Variants in SAA1 observed in about 807,000 individuals in gnomAD.
SAA1 encodes the protein serum amyloid A-1 protein.
Under a neutral mutation model 9.8 loss-of-function variants are expected in SAA1, and 4 were observed. The observed-to-expected ratio is 0.41, with a 90% CI of 0.20 to 0.93. SAA1 has a LOEUF of 0.93. SAA1 is among the 40% of genes least tolerant of loss of function. SAA1 has a pLI of 0.33. For synonymous variants in SAA1, 47 were observed against 57.7 expected, an observed-to-expected ratio of 0.82 and a Z score of 0.84; for missense variants, 114 against 155.5, an observed-to-expected ratio of 0.73 and a Z score of 1.42.
intron 3 of SAA1, 61 bp from the exon 4 acceptor site, chr11:18,269,655 GA>G: frequency 6.3e-7 from 1 of 1,593,092 alleles, no homozygotes; most frequent in Non-Finnish European, 8.6e-7. Context: ...GGGAGAATGG[GA>G]GGGTGGGCTA....
Position 18,269,945 on chromosome 11 carries a change from T to C in SAA1, c.*90T>C. On this transcript the variant is annotated 3_prime_UTR_variant, in exon 4 of 4. Transcript: ENST00000356524. Reference sequence around the variant, plus strand: ...GGGGAGAGGGTACACAATGGGTATCTAATAAATACTTAAGAGGTGGAATTT... The same window carrying C: ...GGGGAGAGGGTACACAATGGGTATCCAATAAATACTTAAGAGGTGGAATTT... 6.4e-7 allele frequency: 1 copy of C among 1,566,126 alleles called. No individual in the cohort carries two copies. The highest frequency in any genetic ancestry group is 1.4e-5 in the African/African-American group (1 of 73,756).
rs939501263 is a variant in SAA1, at chr11:18,269,922, G to A, written c.*67G>A. ...CCCTCAGGGCAGGGATACAAAGCGG[G>A]GAGAGGGTACACAATGGGTATCTAA... On this transcript the variant is annotated 3_prime_UTR_variant, in exon 4 of 4. Coordinates refer to ENST00000356524, the MANE Select transcript of SAA1 (RefSeq NM_199161.5). 1.3e-6 allele frequency: 2 copies of A among 1,599,570 alleles called. No homozygotes were observed. The highest frequency in any genetic ancestry group is 2.7e-5 in the African/African-American group (2 of 74,650).
chr11:18,266,610 G>A (rs1858037592), intron 1 of SAA1: 1 of 480,632 alleles, frequency 2.1e-6, no homozygotes, highest in Non-Finnish European at 3.8e-6. Flanking sequence ...GGGAATTATA[G>A]GCTACTTGAG....
Position 18,269,772 on chromosome 11 carries a change from G to A in SAA1, c.286G>A (p.Ala96Thr). ...TGGCCATGGTGCGGAGGACTCGCTG[G>A]CTGATCAGGCTGCCAATGAATGGGG... ...FFGHGAEDSL[A>T]DQAANEWGRS... The change falls in exon 4 of 4, where the codon GCT becomes ACT. Residue 96 changes from alanine (A) to threonine (T), a missense_variant. Coordinates refer to ENST00000356524, the MANE Select transcript of SAA1 (RefSeq NM_199161.5). 6.2e-7 allele frequency: 1 copy of A among 1,614,056 alleles called. No homozygotes were observed. The highest frequency in any genetic ancestry group is 8.5e-7 in the Non-Finnish European group (1 of 1,179,924).
At chr11:18,268,108 C>T (rs1389868239) in intron 2 of SAA1, among the ~76,000 whole-genome samples, 4 of 151,850 alleles carry the variant, frequency 2.6e-5, no homozygotes, top group Admixed American at 1.3e-4. Context: ...CCAAGGCTCA[C>T]GCCTGTAATT....
chr11:18,268,380 G>C (rs1398545399), intron 2 of SAA1, among the ~76,000 whole-genome samples: 2 of 150,556 alleles, frequency 1.3e-5, no homozygotes, highest in Non-Finnish European at 3.0e-5. Flanking sequence ...TAAAAAAAAT[G>C]AAAAAGAAAG....
intron 3 of SAA1, 112 bp from the exon 4 acceptor site, chr11:18,269,605 T>C: frequency 6.7e-7 from 1 of 1,485,906 alleles, no homozygotes; most frequent in Non-Finnish European, 9.2e-7. Flanking sequence ...CCTCCTTCCT[T>C]GGCCTTTCTG....
At position 18,269,918 on chromosome 11, in the gene SAA1, G is replaced by A; in HGVS notation, c.*63G>A. On this transcript the variant is annotated 3_prime_UTR_variant, in exon 4 of 4. Coordinates refer to ENST00000356524, the MANE Select transcript of SAA1 (RefSeq NM_199161.5). ...GAGGCCCTCAGGGCAGGGATACAAA[G>A]CGGGGAGAGGGTACACAATGGGTAT... 2.5e-6 allele frequency: 4 copies of A among 1,601,674 alleles called. No homozygotes were observed. The highest frequency in any genetic ancestry group is 3.4e-6 in the Non-Finnish European group (4 of 1,173,588).
At chr11:18,269,026 A>G (rs1858126793) in intron 2 of SAA1, among the ~76,000 whole-genome samples, 169 bp from the exon 3 acceptor site, 1 of 152,056 alleles carries the variant, frequency 6.6e-6, no homozygotes, top group Admixed American at 6.6e-5. Context: ...GAAGAAGCCA[A>G]CTAGGATAAA....
rs1059560 is a variant in SAA1, at chr11:18,269,746, T to C, written c.260T>C (p.Phe87Ser). The change falls in exon 4 of 4, where the codon TTT (phenylalanine) becomes TCT (serine). Residue 87 changes from phenylalanine to serine, a missense_variant. Transcript: ENST00000356524. ...TDARENIQRF[F>S]GHGAEDSLAD... is the part of the protein sequence containing the mutation. ...GCCAGAGAGAATATCCAGAGATTCT[T>C]TGGCCATGGTGCGGAGGACTCGCTG... 2.4e-4 allele frequency: 386 copies of C among 1,614,020 alleles called. No individual in the cohort carries two copies. In the African/African-American group the frequency reaches 3.8e-3, roughly 16 times the overall value.
At position 18,269,271 on chromosome 11, in the gene SAA1, T is replaced by G. The variant is rs1370214743; in HGVS notation, c.168T>G (p.Ala56=). ...TCGGCTCAGACAAATACTTCCATGC[T>G]CGGGGGAACTATGATGCTGCCAAAA... ...NYIGSDKYFH[A]RGNYDAAKRG... Residue 56 remains alanine, a synonymous_variant, in exon 3 of 4, where the codon GCT becomes GCG. Coordinates refer to ENST00000356524, the MANE Select transcript of SAA1 (RefSeq NM_199161.5). 1 of 1,594,440 alleles carries G rather than the reference T, an allele frequency of 6.3e-7. No individual in the cohort carries two copies. The highest frequency in any genetic ancestry group is 1.1e-5 in the South Asian group (1 of 89,184).
At chr11:18,269,616 G>A in intron 3 of SAA1, 101 bp from the exon 4 acceptor site, 1 of 1,515,786 alleles carries the variant, frequency 6.6e-7, no homozygotes, top group East Asian at 2.3e-5. Flanking sequence ...GGCCTTTCTG[G>A]GCTCCTCTCT....
chr11:18,268,865 A>AAAAAAAAAAAT (rs1564911715), intron 2 of SAA1, among the ~76,000 whole-genome samples: 2 of 90,224 alleles, frequency 2.2e-5, no homozygotes, highest in African/African-American at 8.7e-5. Context: ...AAAAAAAAAG[A>AAAAAAAAAAAT]ATATAAACTT....
At chr11:18,268,449 T>C (rs1425907803) in intron 2 of SAA1, among the ~76,000 whole-genome samples, 1 of 152,192 alleles carries the variant, frequency 6.6e-6, no homozygotes, top group Non-Finnish European at 1.5e-5. Context: ...ACAGCATCAG[T>C]ACAGCCTACT....
intron 2 of SAA1, among the ~76,000 whole-genome samples, chr11:18,268,820 A>G (rs12286251): frequency 0.69 from 87,128 of 126,726 alleles, 26,446 homozygotes; most frequent in African/African-American, 0.72. Flanking sequence ...GCGACAGAGC[A>G]AGACTCTGTC....
intron 3 of SAA1, 123 bp from the exon 4 acceptor site, chr11:18,269,594 C>A: frequency 1.4e-6 from 2 of 1,450,816 alleles, no homozygotes; most frequent in Non-Finnish European, 1.9e-6. Flanking sequence ...GTGTTTTCAT[C>A]CCTCCTTCCT....
chr11:18,269,158 C>T (rs1355005434), intron 2 of SAA1, 37 bp from the exon 3 acceptor site: 2 of 1,595,208 alleles, frequency 1.3e-6, no homozygotes, highest in Admixed American at 3.7e-5. Context: ...TCTTTATGTT[C>T]TCCTGATGTC....
At position 18,269,798 on chromosome 11, in the gene SAA1, C is replaced by T. The variant is rs761619125; in HGVS notation, c.312C>T (p.Gly104=). 3.1e-6 allele frequency: 5 copies of T among 1,614,016 alleles called. No homozygotes were observed. The highest frequency in any genetic ancestry group is 3.4e-6 in the Non-Finnish European group (4 of 1,179,990). Reference sequence around the variant, plus strand: ...CTGATCAGGCTGCCAATGAATGGGGCAGGAGTGGCAAAGACCCCAATCACT... The same window carrying T: ...CTGATCAGGCTGCCAATGAATGGGGTAGGAGTGGCAAAGACCCCAATCACT... The part of the protein sequence containing the change: ...SLADQAANEW[G]RSGKDPNHFR... The change falls in exon 4 of 4, where the codon GGC becomes GGT. Residue 104 remains glycine (G), a synonymous_variant. Coordinates refer to ENST00000356524, the MANE Select transcript of SAA1 (RefSeq NM_199161.5).
At chr11:18,269,408 G>A (rs1474610393) in intron 3 of SAA1, 75 bp downstream of exon 3, 1 of 1,525,366 alleles carries the variant, frequency 6.6e-7, no homozygotes, top group African/African-American at 1.4e-5. Context: ...AGGGAGACGA[G>A]CTCCTTGTGG....
Sources: allele counts gnomAD v4.1 joint callset (sites outside exome capture counted in the v4.1 genomes callset), GRCh38; gene constraint gnomAD v4.1.1; transcripts MANE v1.5; gene names NCBI Gene and HGNC (gene_info 2026-07-23, HGNC 2026-07-21).